The following BAIAP2 variants were observed in gnomAD, a reference collection of about 807,000 sequenced individuals.
BAIAP2 encodes the protein BAR/IMD domain-containing adapter protein 2.
A neutral mutation model predicts 63.0 loss-of-function variants in BAIAP2; 18 were observed. The observed-to-expected ratio is 0.29, with a 90% CI of 0.20 to 0.42. BAIAP2 has a LOEUF of 0.42. Among genes scored for constraint, BAIAP2 ranks in the 10% least tolerant of loss-of-function variants. The probability of loss-of-function intolerance (pLI) is 1.00; values close to 1 mark genes in which losing one functional copy is unlikely to be tolerated. For missense variants in BAIAP2, 610 were observed against 734.3 expected (o/e 0.83, Z 1.96); for synonymous variants, 386 against 307.6 (o/e 1.25, Z -2.67).
At chr17:81,092,192 G>A (rs752422060) in intron 6 of BAIAP2, among the ~76,000 whole-genome samples, 3 of 152,266 alleles carry the variant, frequency 2.0e-5, no homozygotes, top group Non-Finnish European at 4.4e-5. Context: ...TGAGCTGCAT[G>A]TATGCGGAGC....
chr17:81,111,812 G>A (rs2059961485), intron 13 of BAIAP2, among the ~76,000 whole-genome samples: 1 of 152,234 alleles, frequency 6.6e-6, no homozygotes, highest in South Asian at 2.1e-4. Context: ...GTCTGGGCGG[G>A]TCCTGCTTCC....
intron 1 of BAIAP2, among the ~76,000 whole-genome samples, chr17:81,044,966 GGT>G (rs1486365603): frequency 3.3e-5 from 5 of 152,222 alleles, no homozygotes; most frequent in African/African-American, 4.8e-5. Context: ...GACATTGGAA[GGT>G]GTGTGTAAGG....
At chr17:81,100,187 A>G (rs2058296662) in intron 7 of BAIAP2, 107 bp downstream of exon 7, 2 of 1,375,124 alleles carry the variant, frequency 1.5e-6, no homozygotes, top group African/African-American at 2.9e-5. Flanking sequence ...GGCAGTGTCC[A>G]GGCTCGAACT....
intron 6 of BAIAP2, among the ~76,000 whole-genome samples, chr17:81,096,568 G>A (rs1298274475): frequency 6.6e-6 from 1 of 152,208 alleles, no homozygotes; most frequent in Non-Finnish European, 1.5e-5. Context: ...GCAGGGGCAT[G>A]GGTGGGTGCT....
intron 1 of BAIAP2, among the ~76,000 whole-genome samples, chr17:81,037,157 G>A (rs146965494): frequency 4.6e-5 from 7 of 152,360 alleles, no homozygotes; most frequent in African/African-American, 1.7e-4. Context: ...CAGACCAGCT[G>A]GTCTGGAGCA....
At chr17:81,040,365 G>T (rs985399895) in intron 1 of BAIAP2, among the ~76,000 whole-genome samples, 1 of 152,246 alleles carries the variant, frequency 6.6e-6, no homozygotes, top group African/African-American at 2.4e-5. Flanking sequence ...GGCAGGCGGG[G>T]ATGGTGCTGG....
At chr17:81,062,050 C>T (rs1409247508) in intron 3 of BAIAP2, among the ~76,000 whole-genome samples, 10 of 152,148 alleles carry the variant, frequency 6.6e-5, no homozygotes, top group Non-Finnish European at 4.4e-5. Context: ...TCATGCGAGT[C>T]TCCTGCCTCA....
At chr17:81,110,693 C>T (rs2059818093) in intron 13 of BAIAP2, among the ~76,000 whole-genome samples, 1 of 152,206 alleles carries the variant, frequency 6.6e-6, no homozygotes, top group African/African-American at 2.4e-5. Context: ...CTGCGGGGGG[C>T]CGTCTGCAGC....
intron 3 of BAIAP2, among the ~76,000 whole-genome samples, chr17:81,069,832 A>G (rs2052247720): frequency 6.6e-6 from 1 of 152,164 alleles, no homozygotes; most frequent in African/African-American, 2.4e-5. Flanking sequence ...TGCCCAGGGC[A>G]CCTTGGGAGG....
intron 6 of BAIAP2, chr17:81,087,473 CG>C (rs938015452): frequency 2.0e-5 from 3 of 152,264 alleles, no homozygotes; most frequent in African/African-American, 7.2e-5. Flanking sequence ...ACTGGGAGGC[CG>C]GTTCCTGCTC....
chr17:81,109,731 G>T (rs1293601072), intron 13 of BAIAP2: 9 of 985,292 alleles, frequency 9.1e-6, no homozygotes, highest in Admixed American at 6.1e-5. Flanking sequence ...CTCCCGTCGG[G>T]CACTGGCGGG....
At chr17:81,108,798 G>GCAGCCCCAGCCATGGATGC in intron 13 of BAIAP2, 1 of 1,142,840 alleles carries the variant, frequency 8.8e-7, no homozygotes, top group Non-Finnish European at 1.2e-6. Context: ...GGCTGGGGCT[G>GCAGCCCCAGCCATGGATGC]CAGCCTCCTC....
intron 7 of BAIAP2, among the ~76,000 whole-genome samples, chr17:81,102,500 C>A (rs1316484270): frequency 6.6e-6 from 1 of 152,234 alleles, no homozygotes; most frequent in Admixed American, 6.5e-5. Flanking sequence ...AATGTGAGGG[C>A]AGCCATGAAT....
intron 2 of BAIAP2, among the ~76,000 whole-genome samples, chr17:81,054,520 G>A (rs989081127): frequency 6.6e-6 from 1 of 152,186 alleles, no homozygotes; most frequent in African/African-American, 2.4e-5. Flanking sequence ...CCCTGCCTGT[G>A]CGGGCTGCTC....
chr17:81,066,499 G>T (rs927974106), intron 3 of BAIAP2, among the ~76,000 whole-genome samples: 1 of 152,206 alleles, frequency 6.6e-6, no homozygotes, highest in Non-Finnish European at 1.5e-5. Flanking sequence ...GAGAGCTGGG[G>T]CCTGGGGCCC....
intron 13 of BAIAP2, chr17:81,108,880 AG>A: frequency 3.3e-6 from 5 of 1,492,646 alleles, no homozygotes; most frequent in Non-Finnish European, 4.5e-6. Flanking sequence ...AGCTGCTGAA[AG>A]GGGCATTGCT....
chr17:81,073,441 C>T (rs912151370), intron 3 of BAIAP2, among the ~76,000 whole-genome samples: 2 of 152,174 alleles, frequency 1.3e-5, no homozygotes, highest in East Asian at 1.9e-4. Context: ...GGTCTCGGGC[C>T]GTGCTTTGGT....
chr17:81,056,159 G>C (rs563759491), intron 2 of BAIAP2, among the ~76,000 whole-genome samples: 1 of 152,204 alleles, frequency 6.6e-6, no homozygotes, highest in Admixed American at 6.5e-5. Flanking sequence ...GGCCCGGCTC[G>C]AGGTGGGTGC....
chr17:81,110,094 A>C, intron 13 of BAIAP2: 3 of 985,330 alleles, frequency 3.0e-6, no homozygotes, highest in African/African-American at 1.7e-5. Flanking sequence ...AATTGAGTGC[A>C]GGGCACAGCC....
Sources: gnomAD v4.1 joint callset for allele counts (sites outside exome capture counted in the v4.1 genomes callset) on GRCh38, gnomAD v4.1.1 for gene constraint, MANE v1.5 for transcripts, NCBI Gene and HGNC (gene_info 2026-07-23, HGNC 2026-07-21) for gene names.